Variants in USH2A observed in about 807,000 individuals in gnomAD.
The protein encoded by USH2A is Usher syndrome 2A (autosomal recessive, mild).
In USH2A, 443 loss-of-function variants were observed where a neutral mutation model predicts 538.9. The observed-to-expected ratio is 0.82, with a 90% CI of 0.76 to 0.89. The LOEUF (loss-of-function observed/expected upper bound fraction) is 0.89. USH2A is among the 40% of genes least tolerant of loss of function. USH2A has a pLI of 0.00. For synonymous variants in USH2A, 2,413 were observed against 2,273.5 expected (o/e 1.06, Z -1.75); for missense variants, 6,633 against 6,324.8 (o/e 1.05, Z -1.65).
At chr1:215,977,489 A>G (rs947681507) in intron 35 of USH2A, among the ~76,000 whole-genome samples, 1 of 144,898 alleles carries the variant, frequency 6.9e-6, no homozygotes, top group African/African-American at 2.5e-5. Flanking sequence ...TAGAATACTT[A>G]AAATAATTTT....
intron 21 of USH2A, among the ~76,000 whole-genome samples, chr1:216,103,114 T>C (rs74143958): frequency 0.046 from 6,993 of 152,268 alleles, 545 homozygotes; most frequent in African/African-American, 0.16. Flanking sequence ...AGTTCAAAAC[T>C]AGACAAAAAT....
chr1:216,378,788 T>C (rs186476322), intron 3 of USH2A, among the ~76,000 whole-genome samples: 4 of 152,166 alleles, frequency 2.6e-5, no homozygotes, highest in African/African-American at 4.8e-5. Flanking sequence ...CATCTACTAA[T>C]AGAACAAAGC....
intron 4 of USH2A, among the ~76,000 whole-genome samples, chr1:216,341,927 T>C (rs1457716768): frequency 1.3e-5 from 2 of 152,112 alleles, no homozygotes; most frequent in Non-Finnish European, 2.9e-5. Context: ...ATTCAGGACA[T>C]AGGCATAGGC....
intron 55 of USH2A, among the ~76,000 whole-genome samples, chr1:215,774,775 T>G (rs1445383346): frequency 6.6e-6 from 1 of 152,102 alleles, no homozygotes; most frequent in African/African-American, 2.4e-5. Context: ...TTGGAATATC[T>G]GGGATTTAAG....
At chr1:216,316,196 TA>T (rs1000877093) in intron 9 of USH2A, among the ~76,000 whole-genome samples, 2 of 151,148 alleles carry the variant, frequency 1.3e-5, no homozygotes, top group East Asian at 3.9e-4. Context: ...AAAATGTAAT[TA>T]AAAAAAAAGT....
intron 27 of USH2A, among the ~76,000 whole-genome samples, chr1:216,075,152 G>A (rs2031704873): frequency 6.6e-6 from 1 of 152,090 alleles, no homozygotes; most frequent in African/African-American, 2.4e-5. Context: ...GAAGAAAAAG[G>A]CCTAGAGAGT....
At chr1:215,663,804 A>G (rs1657518186) in intron 64 of USH2A, among the ~76,000 whole-genome samples, 1 of 152,334 alleles carries the variant, frequency 6.6e-6, no homozygotes, top group South Asian at 2.1e-4. Flanking sequence ...TTCCAAGCAC[A>G]TTCACATATT....
At chr1:215,645,306 C>T (rs1291386822) in intron 67 of USH2A, among the ~76,000 whole-genome samples, 1 of 151,966 alleles carries the variant, frequency 6.6e-6, no homozygotes, top group Non-Finnish European at 1.5e-5. Flanking sequence ...AGTACTGAGA[C>T]AGCAGCTGAG....
intron 41 of USH2A, among the ~76,000 whole-genome samples, chr1:215,883,538 T>G (rs912632723): frequency 3.5e-4 from 53 of 152,098 alleles, no homozygotes; most frequent in African/African-American, 1.3e-3. Context: ...TTTTTTAACA[T>G]TAACATTTTT....
chr1:216,098,758 T>C (rs2032507641), intron 21 of USH2A, among the ~76,000 whole-genome samples: 1 of 151,560 alleles, frequency 6.6e-6, no homozygotes, highest in African/African-American at 2.4e-5. Flanking sequence ...ATTAAAAAAA[T>C]GTAATGCAAT....
intron 22 of USH2A, among the ~76,000 whole-genome samples, chr1:216,095,541 T>G (rs1414596388): frequency 6.6e-6 from 1 of 152,190 alleles, no homozygotes; most frequent in East Asian, 1.9e-4. Context: ...GCTTACTCAC[T>G]GCCCACCTGC....
chr1:215,625,128 AT>A lies in USH2A; in HGVS notation c.*652del, dbSNP rs1055185294. 2 of 152,638 alleles carry A rather than the reference AT, an allele frequency of 1.3e-5. No individual in the cohort carries two copies. Among genetic ancestry groups the A allele is most frequent in the Non-Finnish European group, 2.9e-5 (2 of 68,374 alleles). 9.5% of individuals were successfully genotyped at this position (152,638 alleles called of 1,614,324 possible). On this transcript the variant is annotated 3_prime_UTR_variant, in exon 72 of 72. Transcript: ENST00000307340. ...AATTCATAAATGCAAGAACAGAGAC[AT>A]TTATGTGTAAGTTATGTGTTGCCTT... is the stretch of plus-strand genomic sequence containing the variant.
chr1:216,193,357 G>A (rs146740945), intron 19 of USH2A, among the ~76,000 whole-genome samples: 3 of 152,090 alleles, frequency 2.0e-5, no homozygotes, highest in Non-Finnish European at 4.4e-5. Context: ...GAGTGAACAC[G>A]TAGACAGATT....
intron 4 of USH2A, among the ~76,000 whole-genome samples, chr1:216,331,790 A>T (rs1512582): frequency 0.39 from 59,690 of 151,940 alleles, 13,083 homozygotes; most frequent in African/African-American, 0.6. Context: ...TATTAAAGCA[A>T]GGCAATGTAT....
chr1:216,303,520 T>A (rs2037254149), intron 9 of USH2A, among the ~76,000 whole-genome samples: 1 of 152,004 alleles, frequency 6.6e-6, no homozygotes, highest in Non-Finnish European at 1.5e-5. Flanking sequence ...ATTATTTAAA[T>A]ATAAAGGGTA....
chr1:216,198,380 A>C lies in USH2A; in HGVS notation c.4016T>G (p.Val1339Gly), dbSNP rs781668118. The change falls in exon 18 of 72, where the codon GTC becomes GGC. Residue 1339 changes from valine (V) to glycine (G), a missense_variant. Transcript: ENST00000307340. ...ACTTCCAGCCATATTCACAGCTAAG[A>C]CTCTGAACTCATACTTGGTGTATGG... Reference protein sequence around the residue: ...LEPYTKYEFRVLAVNMAGSVS... With the variant: ...LEPYTKYEFRGLAVNMAGSVS... The C allele has an allele frequency of 3.2e-5, 52 of 1,613,768 alleles. No individual in the cohort carries two copies. The Admixed American group carries it at 8.5e-4, about 26-fold the overall frequency.
chr1:215,856,726 A>G (rs1664177823), intron 44 of USH2A, among the ~76,000 whole-genome samples: 1 of 152,192 alleles, frequency 6.6e-6, no homozygotes, highest in Non-Finnish European at 1.5e-5. Context: ...AAGTCATTAT[A>G]TGAAAAGATA....
intron 49 of USH2A, among the ~76,000 whole-genome samples, chr1:215,801,344 CTA>C (rs1304188501): frequency 1.3e-5 from 2 of 150,362 alleles, no homozygotes; most frequent in Non-Finnish European, 3.0e-5. Context: ...AGAAGCAAAA[CTA>C]TGTGTTCTCA....
At chr1:215,817,317 A>G (rs912491741) in intron 47 of USH2A, 122 bp from the exon 48 acceptor site, 2 of 456,806 alleles carry the variant, frequency 4.4e-6, no homozygotes, top group Non-Finnish European at 6.6e-6. Context: ...ATATGTTTAT[A>G]TATGAAATCA....
Sources: allele counts gnomAD v4.1 joint callset (sites outside exome capture counted in the v4.1 genomes callset), GRCh38; gene constraint gnomAD v4.1.1; transcripts MANE v1.5; gene names NCBI Gene and HGNC (gene_info 2026-07-23, HGNC 2026-07-21).